RBFOX1: variants seen among roughly 807,000 people sequenced by gnomAD.
The protein encoded by RBFOX1 is RNA binding protein fox-1 homolog 1.
A neutral mutation model predicts 57.7 loss-of-function variants in RBFOX1; 8 were observed. The observed-to-expected ratio is 0.14, with a 90% CI of 0.08 to 0.25. RBFOX1 has a LOEUF of 0.25. RBFOX1 is among the 10% of genes least tolerant of loss of function. The pLI is 1.00. For synonymous variants in RBFOX1, 326 were observed against 222.4 expected, an observed-to-expected ratio of 1.47 and a Z score of -4.15; for missense variants, 611 against 548.5, an observed-to-expected ratio of 1.11 and a Z score of -1.14.
intron 2 of RBFOX1, among the ~76,000 whole-genome samples, chr16:6,652,371 C>G (rs748711893): frequency 4.6e-5 from 7 of 152,018 alleles, no homozygotes; most frequent in Non-Finnish European, 1.0e-4. Context: ...TCACTTGAAC[C>G]TGGGAGGTGG....
At chr16:5,888,840 A>C (rs897529313) in intron 4 of RBFOX1, among the ~76,000 whole-genome samples, 3 of 151,020 alleles carry the variant, frequency 2.0e-5, no homozygotes, top group African/African-American at 7.3e-5. Flanking sequence ...AATTAAAAGA[A>C]ACCTGAATGA....
chr16:6,055,590 CA>C (rs35872547), intron 1 of RBFOX1, among the ~76,000 whole-genome samples: 8,973 of 65,260 alleles, frequency 0.14, 209 homozygotes, highest in African/African-American at 0.23. Flanking sequence ...GAGACTCCGT[CA>C]AAAAAAAAAA....
chr16:6,205,859 C>G (rs2097251868), intron 1 of RBFOX1, among the ~76,000 whole-genome samples: 1 of 90,566 alleles, frequency 1.1e-5, no homozygotes, highest in African/African-American at 4.2e-5. Flanking sequence ...CCTACGAGAT[C>G]ATACTTTTTT....
intron 3 of RBFOX1, among the ~76,000 whole-genome samples, chr16:7,047,648 T>G (rs943647522): frequency 2.6e-5 from 4 of 151,464 alleles, no homozygotes; most frequent in African/African-American, 7.2e-5. Context: ...TCTTTATCCT[T>G]ATATTCTAGA....
intron 4 of RBFOX1, among the ~76,000 whole-genome samples, chr16:7,461,602 C>A (rs899187196): frequency 6.6e-6 from 1 of 152,148 alleles, no homozygotes; most frequent in East Asian, 1.9e-4. Flanking sequence ...TATTCCAGGT[C>A]ATTTGTGTGT....
chr16:7,317,052 A>G (rs1005829334), intron 4 of RBFOX1, among the ~76,000 whole-genome samples: 1 of 151,992 alleles, frequency 6.6e-6, no homozygotes, highest in Non-Finnish European at 1.5e-5. Context: ...CCTTTTTACA[A>G]AGGCCAGTTT....
At position 6,732,369 on chromosome 16, in the gene RBFOX1, C is replaced by G. The variant is rs149766270; in HGVS notation, c.-16+77719C>G. 6.1e-3 allele frequency among the ~76,000 whole-genome samples: 925 copies of G among 152,328 alleles called. 9 individuals carry two copies. The highest frequency in any genetic ancestry group is 0.021 in the African/African-American group (862 of 41,562). On this transcript the variant is annotated intron_variant, in intron 3 of 15. Transcript: ENST00000550418. ...TGAGTCTCTGACAGATGCAGCATTC[C>G]TTGCTGGGAATCAGCTTCCCCAAGG...
At chr16:5,465,211 C>G (rs1309120678) in intron 1 of RBFOX1, among the ~76,000 whole-genome samples, 1 of 152,138 alleles carries the variant, frequency 6.6e-6, no homozygotes, top group South Asian at 2.1e-4. Flanking sequence ...AGGCCCCTCT[C>G]CTTGCCTTGT....
intron 4 of RBFOX1, among the ~76,000 whole-genome samples, chr16:7,210,984 AGT>A (rs1177015096): frequency 6.6e-6 from 1 of 151,772 alleles, no homozygotes; most frequent in Non-Finnish European, 1.5e-5. Context: ...TGAGATGATG[AGT>A]GTGTTAAATT....
intron 2 of RBFOX1, among the ~76,000 whole-genome samples, chr16:6,611,758 G>A (rs1187942717): frequency 6.6e-6 from 1 of 152,106 alleles, no homozygotes; most frequent in African/African-American, 2.4e-5. Flanking sequence ...TGCAGGAGAA[G>A]CCAGAACTCA....
chr16:5,384,602 G>A (rs1461899394), intron 1 of RBFOX1, among the ~76,000 whole-genome samples: 1 of 152,184 alleles, frequency 6.6e-6, no homozygotes, highest in Non-Finnish European at 1.5e-5. Flanking sequence ...CAAAGGTGAT[G>A]AGGAGGCATT....
At chr16:7,562,188 G>C (rs553799371) in intron 5 of RBFOX1, among the ~76,000 whole-genome samples, 1 of 152,260 alleles carries the variant, frequency 6.6e-6, no homozygotes, top group African/African-American at 2.4e-5. Context: ...AAATTAGTTG[G>C]GTGCGGGATG....
chr16:6,911,859 A>C (rs2071699816), intron 3 of RBFOX1, among the ~76,000 whole-genome samples: 1 of 152,192 alleles, frequency 6.6e-6, no homozygotes, highest in African/African-American at 2.4e-5. Context: ...GATTTTAAGA[A>C]AAGACGTTAA....
At chr16:6,087,434 C>T (rs911043835) in intron 1 of RBFOX1, among the ~76,000 whole-genome samples, 22 of 152,094 alleles carry the variant, frequency 1.4e-4, no homozygotes, top group African/African-American at 5.1e-4. Flanking sequence ...TTCCAATATC[C>T]ATAGATAACT....
Position 7,544,229 on chromosome 16 carries a change from T to A in RBFOX1, c.270+25840T>A, listed in dbSNP as rs572607693. ...GTGAAAGTTACTTGATGGTGATGTC[T>A]TTAGGGAAATTATGACAAAGGAGAA... is the stretch of plus-strand genomic sequence containing the variant. On this transcript the variant is annotated intron_variant, in intron 5 of 15. Transcript: ENST00000550418. Among the ~76,000 whole-genome samples the A allele has an allele frequency of 1.9e-4, 29 of 152,182 alleles. 1 individual carries two copies. Among genetic ancestry groups the A allele is most frequent in the Non-Finnish European group, 1.8e-4 (12 of 68,044 alleles).
At position 6,502,727 on chromosome 16, in the gene RBFOX1, C is replaced by G. The variant is rs138934545; in HGVS notation, c.-63-151876C>G. ...ATTACCACCGGACCCCTATGTAGGACTCATCTCCTCTAGGGTAAGGTGCCC... is the reference window on the plus strand; with the variant it reads ...ATTACCACCGGACCCCTATGTAGGAGTCATCTCCTCTAGGGTAAGGTGCCC... On this transcript the variant is annotated intron_variant, in intron 2 of 15. Coordinates refer to ENST00000550418, the MANE Select transcript of RBFOX1 (RefSeq NM_018723.4). Among the ~76,000 whole-genome samples the G allele has an allele frequency of 2.0e-5, 3 of 152,260 alleles. No homozygotes were observed. The East Asian group carries it at 5.8e-4, about 29-fold the overall frequency.
chr16:5,596,226 G>C (rs543066778), intron 2 of RBFOX1, among the ~76,000 whole-genome samples: 1 of 152,286 alleles, frequency 6.6e-6, no homozygotes, highest in South Asian at 2.1e-4. Context: ...GATCATACTC[G>C]AGTGTGAGTC....
chr16:6,872,223 C>T (rs1251977918), intron 3 of RBFOX1, among the ~76,000 whole-genome samples: 1 of 152,134 alleles, frequency 6.6e-6, no homozygotes, highest in Non-Finnish European at 1.5e-5. Context: ...GAGACCAGCA[C>T]ATAGTAGAGA....
rs561701034 is a variant in RBFOX1 at position 5,581,790 on chromosome 16, C to CGAGT, written c.259-17110_259-17107dup. 1.2e-3 allele frequency among the ~76,000 whole-genome samples: 180 copies of CGAGT among 152,074 alleles called. 2 individuals are homozygous for CGAGT. The highest frequency in any genetic ancestry group is 4.2e-3 in the African/African-American group (173 of 41,480). ...AGAGTAGTGGAAGAGGAGGGAGGAG[C>CGAGT]GAGTGGGAGGCAGACCATATGCAAG... On this transcript the variant is annotated intron_variant, in intron 2 of 2. Coordinates refer to the RBFOX1 transcript ENST00000585867.
Sources: allele counts gnomAD v4.1 joint callset (sites outside exome capture counted in the v4.1 genomes callset), GRCh38; gene constraint gnomAD v4.1.1; transcripts MANE v1.5; gene names NCBI Gene and HGNC (gene_info 2026-07-23, HGNC 2026-07-21).